FAM193A: variants seen among roughly 807,000 people sequenced by gnomAD.
The protein encoded by FAM193A is protein FAM193A.
Under a neutral mutation model 126.5 loss-of-function variants are expected in FAM193A, and 22 were observed. The ratio of observed to expected loss-of-function variants is 0.17; its 90% CI spans 0.12 to 0.25. FAM193A has a LOEUF of 0.25. Among genes scored for constraint, FAM193A ranks in the 10% least tolerant of loss-of-function variants. The probability of loss-of-function intolerance (pLI) is 1.00; values close to 1 mark genes in which losing one functional copy is unlikely to be tolerated. For synonymous variants in FAM193A, 761 were observed against 646.8 expected (o/e 1.18, Z -2.68); for missense variants, 1,675 against 1,672.8 (o/e 1.00, Z -0.02).
intron 1 of FAM193A, among the ~76,000 whole-genome samples, chr4:2,564,002 G>T (rs2108845162): frequency 6.6e-6 from 1 of 152,274 alleles, no homozygotes; most frequent in East Asian, 1.9e-4. Flanking sequence ...TATTGCTTAG[G>T]GTTCAGATGC....
Position 2,689,612 on chromosome 4 carries a change from G to T in FAM193A, c.2438G>T (p.Trp813Leu). The change falls in exon 14 of 21, where the codon TGG (tryptophan) becomes TTG (leucine). Residue 813 changes from tryptophan (W) to leucine (L), a missense_variant. By Grantham distance (61) the Trp-to-Leu change is moderately conservative (BLOSUM62 -2). Around this residue, in one of 4 missense-constraint regions of FAM193A, gnomAD observed 1,186 missense variants for 1,109.2 expected, o/e 1.07. Transcript: ENST00000637812. ...AGCTGTTTTGGGAATACTCCAGAGT[G>T]GAATAGTTCTAAATTTATAAGTCTT... is the stretch of plus-strand genomic sequence containing the variant. Reference protein sequence around the residue: ...YPSCFGNTPEWNSSKFISLWG... With the variant: ...YPSCFGNTPELNSSKFISLWG... The T allele has an allele frequency of 6.4e-7, 1 of 1,568,240 alleles. No homozygotes were observed. Among genetic ancestry groups the T allele is most frequent in the Non-Finnish European group, 8.6e-7 (1 of 1,163,260 alleles).
chr4:2,608,367 C>T (rs946023086), intron 2 of FAM193A, among the ~76,000 whole-genome samples: 6 of 151,878 alleles, frequency 4.0e-5, no homozygotes, highest in Admixed American at 3.3e-4. Flanking sequence ...TTAATATAGA[C>T]GGGGTTTTGC....
chr4:2,572,303 T>C (rs1739338775), intron 1 of FAM193A, among the ~76,000 whole-genome samples: 1 of 145,634 alleles, frequency 6.9e-6, no homozygotes. Context: ...GACTGCAGCC[T>C]AGGCGACAGA....
At chr4:2,542,384 T>C (rs115116251) in intron 1 of FAM193A, among the ~76,000 whole-genome samples, 4,317 of 152,294 alleles carry the variant, frequency 0.028, 222 homozygotes, top group African/African-American at 0.098. Flanking sequence ...AAGTGATCTA[T>C]CTACCTGCCT....
intron 13 of FAM193A, among the ~76,000 whole-genome samples, chr4:2,682,700 T>C (rs936363221): frequency 4.6e-5 from 7 of 152,134 alleles, no homozygotes; most frequent in African/African-American, 1.7e-4. Flanking sequence ...TGCCCTGGAG[T>C]TTACAATATA....
At chr4:2,688,116 C>G (rs1206661865) in intron 13 of FAM193A, among the ~76,000 whole-genome samples, 1 of 152,156 alleles carries the variant, frequency 6.6e-6, no homozygotes, top group Non-Finnish European at 1.5e-5. Context: ...AGACAGAAGT[C>G]CTGCTGAGGG....
At chr4:2,689,962 G>A (rs1029194922) in intron 14 of FAM193A, among the ~76,000 whole-genome samples, 3 of 152,234 alleles carry the variant, frequency 2.0e-5, no homozygotes, top group African/African-American at 7.2e-5. Context: ...AGCCACATGG[G>A]CGTGGCCTCA....
chr4:2,596,803 G>C (rs1158179436), intron 2 of FAM193A, among the ~76,000 whole-genome samples: 1 of 152,154 alleles, frequency 6.6e-6, no homozygotes, highest in East Asian at 1.9e-4. Context: ...TGACCTGATG[G>C]AGTTTTGGTG....
chr4:2,556,711 A>C (rs1738282839), intron 1 of FAM193A, among the ~76,000 whole-genome samples: 1 of 152,120 alleles, frequency 6.6e-6, no homozygotes, highest in African/African-American at 2.4e-5. Context: ...TTTCTAAACT[A>C]CCTTGGAGTA....
At chr4:2,554,777 G>A (rs1463839779) in intron 1 of FAM193A, among the ~76,000 whole-genome samples, 3 of 152,094 alleles carry the variant, frequency 2.0e-5, no homozygotes, top group Non-Finnish European at 4.4e-5. Flanking sequence ...TATACATTTA[G>A]GATTGTTAGG....
At chr4:2,570,748 C>A (rs1452743000) in intron 1 of FAM193A, among the ~76,000 whole-genome samples, 1 of 152,118 alleles carries the variant, frequency 6.6e-6, no homozygotes, top group Non-Finnish European at 1.5e-5. Flanking sequence ...TGAGCTCCTC[C>A]TCAGATCAGG....
At chr4:2,679,375 CTT>C (rs796366785) in intron 13 of FAM193A, among the ~76,000 whole-genome samples, 51 of 87,880 alleles carry the variant, frequency 5.8e-4, no homozygotes, top group African/African-American at 1.7e-3. Context: ...AGTTTTCTTT[CTT>C]TTTTTTTTTT....
intron 2 of FAM193A, among the ~76,000 whole-genome samples, chr4:2,604,453 T>A (rs1269116115): frequency 1.3e-5 from 2 of 152,200 alleles, no homozygotes; most frequent in Non-Finnish European, 2.9e-5. Flanking sequence ...TGAATGTGTC[T>A]TTTTCCTGTC....
At chr4:2,651,451 G>A (rs775066984) in intron 7 of FAM193A, among the ~76,000 whole-genome samples, 21 of 152,298 alleles carry the variant, frequency 1.4e-4, no homozygotes, top group South Asian at 2.1e-4. Context: ...TAATCATGGC[G>A]GAAGGAGAAG....
At chr4:2,621,330 A>G (rs1172750970) in intron 2 of FAM193A, among the ~76,000 whole-genome samples, 1 of 152,142 alleles carries the variant, frequency 6.6e-6, no homozygotes, top group African/African-American at 2.4e-5. Flanking sequence ...CAAAAAAATT[A>G]ATTGACTCAA....
intron 1 of FAM193A, among the ~76,000 whole-genome samples, chr4:2,580,870 C>T (rs755242972): frequency 4.0e-4 from 61 of 152,340 alleles, no homozygotes; most frequent in Non-Finnish European, 7.1e-4. Context: ...GGGCTCACGC[C>T]TGTAATCCCA....
intron 19 of FAM193A, among the ~76,000 whole-genome samples, chr4:2,703,257 T>G (rs1018064742): frequency 2.0e-5 from 3 of 152,312 alleles, no homozygotes; most frequent in Admixed American, 6.5e-5. Flanking sequence ...TGTTTTTGTT[T>G]CTGTTTTAAG....
intron 1 of FAM193A, among the ~76,000 whole-genome samples, chr4:2,556,009 G>C (rs1738235591): frequency 6.6e-6 from 1 of 151,358 alleles, no homozygotes; most frequent in Non-Finnish European, 1.5e-5. Flanking sequence ...CGATTCCCCT[G>C]TCTCAGCCTC....
Position 2,537,000 on chromosome 4 carries a change from G to T in FAM193A, c.85G>T (p.Gly29Cys). The T allele has an allele frequency of 6.8e-6, 1 of 147,940 alleles. No individual in the cohort carries two copies. The highest frequency in any genetic ancestry group is 1.8e-4 in the South Asian group (1 of 5,650). 9.2% of individuals were successfully genotyped at this position (147,940 alleles called of 1,614,324 possible). A position where few individuals can be genotyped will look rare whatever the true frequency, so the allele number is the denominator to read the frequency against. The stretch of plus-strand genomic sequence containing the variant: ...CGGCGGCTCGGGCGGGGGTAACGGC[G>T]GCGCGAGCAGCGGCAAGGCCGGCCC... Reference protein sequence around the residue: ...GGGGSGGGNGGASSGKAGPAA... With the variant: ...GGGGSGGGNGCASSGKAGPAA... Residue 29 changes from glycine (G) to cysteine (C), a missense_variant, in exon 1 of 21, where the codon GGC becomes TGC. This residue lies in a region of FAM193A where 1,186 missense variants were observed against 1,109.2 expected (regional missense o/e 1.07). Transcript: ENST00000637812.
Sources: allele counts gnomAD v4.1 joint callset (sites outside exome capture counted in the v4.1 genomes callset), GRCh38; gene constraint gnomAD v4.1.1; regional missense constraint gnomAD v4.1.1; transcripts MANE v1.5; gene names NCBI Gene and HGNC (gene_info 2026-07-23, HGNC 2026-07-21).